Variants in ATP13A4 observed in about 807,000 individuals in gnomAD.
The protein encoded by ATP13A4 is ATPase 13A4, also known as probable cation-transporting ATPase 13A4.
ATP13A4 carries 114 observed loss-of-function variants against 142.5 expected under a neutral mutation model. That is an observed-to-expected ratio of 0.80 (90% CI 0.69 to 0.93). The LOEUF is 0.93. ATP13A4 is among the 40% of genes least tolerant of loss of function. The probability of loss-of-function intolerance (pLI) is 0.00; values close to 1 mark genes in which losing one functional copy is unlikely to be tolerated. For missense variants in ATP13A4, 1,392 were observed against 1,454.0 expected, an observed-to-expected ratio of 0.96 and a Z score of 0.69; for synonymous variants, 488 against 514.8, an observed-to-expected ratio of 0.95 and a Z score of 0.70.
At chr3:193,527,578 C>CTCCA (rs959408902) in intron 1 of ATP13A4, among the ~76,000 whole-genome samples, 2 of 151,058 alleles carry the variant, frequency 1.3e-5, no homozygotes, top group African/African-American at 4.9e-5. Context: ...CGCCACTGCA[C>CTCCA]TCCAGCCTGG....
At position 193,492,964 on chromosome 3, in the gene ATP13A4, T is replaced by C; in HGVS notation, c.486A>G (p.Ile162Met). ...TCAAGCCTGATCCAAATTTTTGATG[T>C]ATCTTGGCAGAACTAAGCCAGTCTT... ...SLEDWLSSAK[I>M]HQKFGSGLTR... Residue 162 changes from isoleucine (I) to methionine (M), a missense_variant, in exon 5 of 30, where the codon ATA becomes ATG. Physicochemically the swap from Ile to Met is conservative, Grantham distance 10 (BLOSUM62 1). Transcript: ENST00000342695. 6.2e-7 allele frequency: 1 copy of C among 1,611,624 alleles called. No homozygotes were observed. The highest frequency in any genetic ancestry group is 1.7e-4 in the Middle Eastern group (1 of 5,730).
At chr3:193,576,720 A>G (rs538336275) in intron 2 of ATP13A4, among the ~76,000 whole-genome samples, 1 of 152,304 alleles carries the variant, frequency 6.6e-6, no homozygotes, top group African/African-American at 2.4e-5. Flanking sequence ...AAAGGAATGT[A>G]TTAGGTAATA....
intron 1 of ATP13A4, among the ~76,000 whole-genome samples, chr3:193,531,268 A>AAGGG (rs1722298614): frequency 9.8e-6 from 1 of 102,436 alleles, no homozygotes; most frequent in Non-Finnish European, 2.1e-5. Flanking sequence ...AGGGCTCAAT[A>AAGGG]AGTGAGGGAG....
At chr3:193,520,756 G>T (rs74673075) in intron 1 of ATP13A4, among the ~76,000 whole-genome samples, 5,288 of 152,274 alleles carry the variant, frequency 0.035, 105 homozygotes, top group African/African-American at 0.052. Flanking sequence ...GCATGCAGCT[G>T]AGTCCCATTT....
intron 25 of ATP13A4, among the ~76,000 whole-genome samples, chr3:193,421,046 A>G (rs1463902756): frequency 6.0e-5 from 9 of 149,964 alleles, no homozygotes; most frequent in African/African-American, 2.0e-4. Context: ...AAGAAATACG[A>G]AAATCCAGAT....
intron 8 of ATP13A4, among the ~76,000 whole-genome samples, chr3:193,475,989 A>G (rs1272658460): frequency 6.6e-6 from 1 of 152,062 alleles, no homozygotes; most frequent in Non-Finnish European, 1.5e-5. Context: ...GGGTATAGAG[A>G]AAAGAGAAAC....
At chr3:193,563,810 G>A (rs143858567) in intron 2 of ATP13A4, among the ~76,000 whole-genome samples, 152 of 152,048 alleles carry the variant, frequency 1.0e-3, no homozygotes, top group African/African-American at 3.1e-3. Flanking sequence ...AATGTATGAC[G>A]TGCTAATATC....
chr3:193,531,334 G>T (rs1722322148), intron 1 of ATP13A4, among the ~76,000 whole-genome samples: 1 of 131,270 alleles, frequency 7.6e-6, no homozygotes, highest in Non-Finnish European at 1.7e-5. Context: ...AAGGAAGGAA[G>T]GAAGGGAGGA....
At chr3:193,458,958 C>T (rs1717791882) in intron 14 of ATP13A4, 123 bp downstream of exon 14, 1 of 1,372,632 alleles carries the variant, frequency 7.3e-7, no homozygotes, top group Admixed American at 1.7e-5. Flanking sequence ...GTTTGCCCTT[C>T]ACTACCAAAT....
In ATP13A4 at chr3:193,402,664, T is replaced by C; in HGVS notation, c.3579A>G (p.Glu1193=). 1.0e-6 allele frequency: 1 copy of C among 976,692 alleles called. No homozygotes were observed. The highest frequency in any genetic ancestry group is 1.7e-6 in the Non-Finnish European group (1 of 597,442). 60.5% of individuals were successfully genotyped at this position (976,692 alleles called of 1,614,324 possible). ...SYSNPVFESN[E]EQL ...TATCACATGTCCTTCAGAGTTGTTC[T>C]TCATTGCTCTCAAATACTGGATTGC... Residue 1193 remains glutamate (E), a synonymous_variant, in exon 30 of 30, where the codon GAA becomes GAG. Transcript: ENST00000342695.
At chr3:193,436,838 C>T (rs1716302099) in intron 23 of ATP13A4, among the ~76,000 whole-genome samples, 1 of 140,892 alleles carries the variant, frequency 7.1e-6, no homozygotes, top group Non-Finnish European at 1.5e-5. Context: ...GGCGCGGTGG[C>T]TCACGCCTGT....
At chr3:193,454,272 G>A in intron 16 of ATP13A4, 60 bp from the exon 17 acceptor site, 1 of 1,286,928 alleles carries the variant, frequency 7.8e-7, no homozygotes, top group Non-Finnish European at 1.1e-6. Context: ...TACTGGCAAA[G>A]AAATTCTTTA....
chr3:193,456,903 G>A, intron 16 of ATP13A4, 97 bp downstream of exon 16: 2 of 1,424,104 alleles, frequency 1.4e-6, no homozygotes, highest in Non-Finnish European at 1.9e-6. Context: ...AATTGGTGAT[G>A]ACCCATAGGC....
rs146095696 is a variant in ATP13A4, at chr3:193,471,817, C to T, written c.809-824G>A. 7.7e-3 allele frequency among the ~76,000 whole-genome samples: 1,177 copies of T among 152,238 alleles called. 18 individuals are homozygous for T. Among genetic ancestry groups the T allele is most frequent in the African/African-American group, 0.026 (1,079 of 41,536 alleles). On this transcript the variant is annotated intron_variant, in intron 8 of 29. Transcript: ENST00000342695. ...CCTGCCTGCCTTTACTTCTTTTCTTCCTTATTCAGTCTTAAAGCTATTAGG... is the reference window on the plus strand; with the variant it reads ...CCTGCCTGCCTTTACTTCTTTTCTTTCTTATTCAGTCTTAAAGCTATTAGG...
At chr3:193,474,541 GAGAGAGAGAGAAGAAAAA>G (rs933270222) in intron 8 of ATP13A4, among the ~76,000 whole-genome samples, 1 of 146,702 alleles carries the variant, frequency 6.8e-6, no homozygotes, top group Non-Finnish European at 1.5e-5. Flanking sequence ...TCAAGACAGA[GAGAGAGAGAGAAGAAAAA>G]AGAGAGAGAG....
intron 17 of ATP13A4, 72 bp from the exon 18 acceptor site, chr3:193,448,402 C>G: frequency 6.4e-7 from 1 of 1,573,462 alleles, no homozygotes; most frequent in Non-Finnish European, 8.7e-7. Context: ...GACGGAGTCT[C>G]GCTCTGTCAT....
rs778070891 is a variant in ATP13A4 at position 193,459,116 on chromosome 3, G to A, written c.1639C>T (p.Pro547Ser). ...ILLDGTIQGD[P>S]LDLKMFEATT... ...GCTTCAAACATTTTGAGGTCCAGAG[G>A]GTCTCCCTGGATGGTCCCATCAAGA... is the stretch of plus-strand genomic sequence containing the variant. Residue 547 changes from proline (P) to serine (S), a missense_variant, in exon 14 of 30, where the codon CCT becomes TCT. Physicochemically the swap from Pro to Ser is moderately conservative, Grantham distance 74. Transcript: ENST00000342695. The A allele has an allele frequency of 6.2e-7, 1 of 1,614,204 alleles. No individual in the cohort carries two copies. The highest frequency in any genetic ancestry group is 8.5e-7 in the Non-Finnish European group (1 of 1,180,026).
intron 2 of ATP13A4, among the ~76,000 whole-genome samples, chr3:193,504,020 T>TGTGTGAGA (rs1034644341): frequency 1.1e-4 from 16 of 144,318 alleles, no homozygotes; most frequent in African/African-American, 3.1e-4. Context: ...TGTGTGTGTG[T>TGTGTGAGA]GAGAGAGAGA....
At chr3:193,513,360 T>C (rs1167860253) in intron 2 of ATP13A4, among the ~76,000 whole-genome samples, 2 of 152,224 alleles carry the variant, frequency 1.3e-5, no homozygotes, top group African/African-American at 2.4e-5. Context: ...GAAGCTAAAC[T>C]CCCAACAGAG....
Sources: allele counts gnomAD v4.1 joint callset (sites outside exome capture counted in the v4.1 genomes callset), GRCh38; gene constraint gnomAD v4.1.1; transcripts MANE v1.5; gene names NCBI Gene and HGNC (gene_info 2026-07-23, HGNC 2026-07-21).